BMP5: variants seen among roughly 807,000 people sequenced by gnomAD.
BMP5 encodes the protein bone morphogenetic protein 5.
BMP5 carries 23 observed loss-of-function variants against 46.6 expected under a neutral mutation model. The observed-to-expected ratio is 0.49, with a 90% confidence interval of 0.35 to 0.70. The LOEUF (loss-of-function observed/expected upper bound fraction) is 0.70. Ranked by LOEUF, BMP5 falls within the 30% of genes least tolerant of loss-of-function variation. BMP5 has a pLI of 0.00. For missense variants in BMP5, 545 were observed against 565.6 expected (o/e 0.96, Z 0.37); for synonymous variants, 204 against 191.9 (o/e 1.06, Z -0.52).
chr6:55,758,154 A>T (rs1183995688), intron 6 of BMP5, among the ~76,000 whole-genome samples: 1 of 151,912 alleles, frequency 6.6e-6, no homozygotes, highest in South Asian at 2.1e-4. Context: ...TCAAGCCTTG[A>T]TTCTAAAATA....
At position 55,822,188 on chromosome 6, in the gene BMP5, A is replaced by G. The variant is rs117287228; in HGVS notation, c.491-2341T>C. Among the ~76,000 whole-genome samples the G allele has an allele frequency of 7.0e-4, 106 of 152,296 alleles. 1 individual carries two copies. The East Asian group carries it at 0.02, about 29-fold the overall frequency. On this transcript the variant is annotated intron_variant, in intron 1 of 6. Coordinates refer to ENST00000370830, the MANE Select transcript of BMP5 (RefSeq NM_021073.4). ...ATCCATGGTTGTTAAATGTCAGGAT[A>G]TGCTGCGTCTGCTAACACACTATGG... is the stretch of plus-strand genomic sequence containing the variant.
chr6:55,758,922 G>A, intron 6 of BMP5, 83 bp downstream of exon 6: 1 of 965,930 alleles, frequency 1.0e-6, no homozygotes, highest in Non-Finnish European at 1.7e-6. Context: ...CATTAAAATT[G>A]TAAATAGATG....
chr6:55,799,433 G>A (rs1483290465), intron 2 of BMP5, among the ~76,000 whole-genome samples: 8 of 152,154 alleles, frequency 5.3e-5, no homozygotes, highest in Non-Finnish European at 7.4e-5. Flanking sequence ...GAAGGAGGAG[G>A]TAGAGAAAAC....
At chr6:55,819,870 G>T (rs746627118) in intron 1 of BMP5, 23 bp from the exon 2 acceptor site, 2 of 1,597,026 alleles carry the variant, frequency 1.3e-6, no homozygotes, top group Admixed American at 3.3e-5. Flanking sequence ...AGGGGGTTGA[G>T]GGGGAAAAAA....
At chr6:55,820,631 T>C (rs1776384817) in intron 1 of BMP5, among the ~76,000 whole-genome samples, 1 of 152,108 alleles carries the variant, frequency 6.6e-6, no homozygotes, top group African/African-American at 2.4e-5. Flanking sequence ...TTACCTAGAC[T>C]GGTCTCGAAA....
At chr6:55,840,939 A>G (rs917236873) in intron 1 of BMP5, among the ~76,000 whole-genome samples, 2 of 144,166 alleles carry the variant, frequency 1.4e-5, no homozygotes, top group Admixed American at 1.4e-4. Context: ...GGTGGCCTGT[A>G]GGAACCAGGC....
chr6:55,832,078 A>G (rs1776678014), intron 1 of BMP5, among the ~76,000 whole-genome samples: 1 of 152,128 alleles, frequency 6.6e-6, no homozygotes, highest in Non-Finnish European at 1.5e-5. Flanking sequence ...CCCATTTACC[A>G]TTTGTACCAT....
chr6:55,847,148 C>T (rs1777117185), intron 1 of BMP5, among the ~76,000 whole-genome samples: 1 of 151,824 alleles, frequency 6.6e-6, no homozygotes, highest in Admixed American at 6.6e-5. Flanking sequence ...CTTGTTTGCC[C>T]AAGTTAGCAC....
chr6:55,822,659 A>G (rs1276378672), intron 1 of BMP5, among the ~76,000 whole-genome samples: 1 of 152,158 alleles, frequency 6.6e-6, no homozygotes. Flanking sequence ...GATCCAACCT[A>G]AAGTGTGCAC....
intron 2 of BMP5, among the ~76,000 whole-genome samples, chr6:55,808,105 G>T (rs1269440979): frequency 6.6e-6 from 1 of 152,176 alleles, no homozygotes; most frequent in Non-Finnish European, 1.5e-5. Flanking sequence ...CTGGTCTTTG[G>T]AGACTGTGAC....
rs556903910 is a variant in BMP5 at position 55,832,670 on chromosome 6, G to C, written c.491-12823C>G. 1.3e-4 allele frequency among the ~76,000 whole-genome samples: 20 copies of C among 152,178 alleles called. No individual in the cohort carries two copies. In the South Asian group the frequency reaches 3.9e-3, roughly 30 times the overall value. Reference sequence around the variant, plus strand: ...AATCTGTGGAGCATGCATTCAAATCGGTACCTAACCACATCAATGCCTCCT... The same window carrying C: ...AATCTGTGGAGCATGCATTCAAATCCGTACCTAACCACATCAATGCCTCCT... On this transcript the variant is annotated intron_variant, in intron 1 of 6. Transcript: ENST00000370830.
intron 4 of BMP5, among the ~76,000 whole-genome samples, chr6:55,771,794 T>A (rs1775052835): frequency 6.6e-6 from 1 of 151,846 alleles, no homozygotes; most frequent in Admixed American, 6.6e-5. Context: ...CCTAACTCCA[T>A]CCCCATCCCA....
At chr6:55,764,272 G>A (rs1032150279) in intron 4 of BMP5, among the ~76,000 whole-genome samples, 2 of 152,132 alleles carry the variant, frequency 1.3e-5, no homozygotes, top group Admixed American at 1.3e-4. Flanking sequence ...TTATTATTCA[G>A]CCATAAAAAG....
chr6:55,831,218 A>G (rs1776656309), intron 1 of BMP5, among the ~76,000 whole-genome samples: 1 of 152,174 alleles, frequency 6.6e-6, no homozygotes, highest in South Asian at 2.1e-4. Flanking sequence ...TTTCCACAAA[A>G]TAGCAAAGAA....
intron 1 of BMP5, among the ~76,000 whole-genome samples, chr6:55,821,151 C>T (rs1325021425): frequency 1.3e-5 from 2 of 152,080 alleles, no homozygotes; most frequent in African/African-American, 2.4e-5. Context: ...AATGATGCTG[C>T]GGAGACAAGG....
At chr6:55,782,519 T>G (rs2127524649) in intron 3 of BMP5, among the ~76,000 whole-genome samples, 1 of 152,284 alleles carries the variant, frequency 6.6e-6, no homozygotes, top group East Asian at 1.9e-4. Context: ...CTGAACCATT[T>G]GCATGCAAAA....
At chr6:55,782,887 A>C (rs905410518) in intron 3 of BMP5, among the ~76,000 whole-genome samples, 6 of 152,120 alleles carry the variant, frequency 3.9e-5, no homozygotes, top group Admixed American at 6.6e-5. Flanking sequence ...CTCAAAAAAG[A>C]GTCAGATTTT....
At chr6:55,780,054 CTTCTT>C (rs746429970) in intron 3 of BMP5, among the ~76,000 whole-genome samples, 40 of 151,696 alleles carry the variant, frequency 2.6e-4, no homozygotes, top group Non-Finnish European at 4.9e-4. Flanking sequence ...TTTCTCTTCT[CTTCTT>C]TTTACTGACA....
At chr6:55,834,727 A>G (rs897397717) in intron 1 of BMP5, among the ~76,000 whole-genome samples, 9 of 152,188 alleles carry the variant, frequency 5.9e-5, no homozygotes, top group African/African-American at 1.9e-4. Flanking sequence ...ATAAAATAAC[A>G]TGTTTAAATG....
Sources: allele counts gnomAD v4.1 joint callset (sites outside exome capture counted in the v4.1 genomes callset), GRCh38; gene constraint gnomAD v4.1.1; transcripts MANE v1.5; gene names NCBI Gene and HGNC (gene_info 2026-07-23, HGNC 2026-07-21).